Variants in NAV1 observed in about 807,000 individuals in gnomAD.
The protein encoded by NAV1 is pore membrane and/or filament interacting like protein 3.
In NAV1, 18 loss-of-function variants were observed where a neutral mutation model predicts 175.2. The ratio of observed to expected loss-of-function variants is 0.10; its 90% CI spans 0.07 to 0.15. NAV1 has a LOEUF of 0.15. Ranked by LOEUF, NAV1 falls within the 10% of genes least tolerant of loss-of-function variation. NAV1 has a pLI of 1.00. For missense variants in NAV1, 1,731 were observed against 2,436.6 expected (o/e 0.71, Z 6.10); for synonymous variants, 897 against 978.7 (o/e 0.92, Z 1.56).
At position 201,566,894 on chromosome 1, in the gene NAV1, T is replaced by C. The variant is rs530461977; in HGVS notation, c.-143-21645T>C. On this transcript the variant is annotated intron_variant, in intron 1 of 33. Coordinates refer to the NAV1 transcript ENST00000685211. ...TTTGCTTAATATTATCTCAGATGTT[T>C]TTCTGTATCGATCAAATCTCTGTAC... Among the ~76,000 whole-genome samples, 22 of 152,310 alleles carry C rather than the reference T, an allele frequency of 1.4e-4. No homozygotes were observed. In the East Asian group the frequency reaches 3.5e-3, roughly 24 times the overall value.
Position 201,813,394 on chromosome 1 carries a change from G to A in NAV1, c.5340+136G>A, listed in dbSNP as rs528886699. On this transcript the variant is annotated intron_variant, in intron 28 of 29. Transcript: ENST00000367296. The surrounding 1 kb of genome is among the most constrained non-coding windows in gnomAD (Gnocchi z 4.2). ...TTTCTAACAGGTGGAGCAAGGCACT[G>A]GGTAGACTAAGCTGCTTTCCTGCCT... 5.6e-5 allele frequency: 35 copies of A among 622,668 alleles called. No homozygotes were observed. Among genetic ancestry groups the A allele is most frequent in the Non-Finnish European group, 8.9e-5 (32 of 358,332 alleles). 38.6% of individuals were successfully genotyped at this position (622,668 alleles called of 1,614,324 possible).
At chr1:201,776,921 G>A (rs1257907230) in intron 3 of NAV1, among the ~76,000 whole-genome samples, 2 of 151,960 alleles carry the variant, frequency 1.3e-5, no homozygotes, top group African/African-American at 2.4e-5. Context: ...TGCACAAGAA[G>A]ATGCTAAAAG....
chr1:201,629,276 C>G (rs1019033416), intron 1 of NAV1, 128 bp from the exon 4 acceptor site: 1 of 487,638 alleles, frequency 2.1e-6, no homozygotes, highest in Non-Finnish European at 3.3e-6. Flanking sequence ...GAGGGGCTGG[C>G]CCTGAGTGGT....
At chr1:201,573,728 T>C (rs1337428809) in intron 1 of NAV1, among the ~76,000 whole-genome samples, 2 of 152,172 alleles carry the variant, frequency 1.3e-5, no homozygotes, top group African/African-American at 2.4e-5. Context: ...ACAAATATTA[T>C]CTATTACTAA....
At chr1:201,610,115 G>A (rs1667803410) in intron 2 of NAV1, among the ~76,000 whole-genome samples, 1 of 152,196 alleles carries the variant, frequency 6.6e-6, no homozygotes, top group South Asian at 2.1e-4. Flanking sequence ...CTGTGTGCCG[G>A]CTGCACCTGC....
At chr1:201,607,870 T>TGTGTG (rs1667730925) in intron 2 of NAV1, among the ~76,000 whole-genome samples, 1 of 138,192 alleles carries the variant, frequency 7.2e-6, no homozygotes, top group East Asian at 2.1e-4. Flanking sequence ...GATAACTTTA[T>TGTGTG]TGTGTGTGTG....
chr1:201,650,510 C>A (rs531450496), intron 1 of NAV1, among the ~76,000 whole-genome samples: 192 of 152,286 alleles, frequency 1.3e-3, no homozygotes, highest in Non-Finnish European at 2.1e-3. Flanking sequence ...TCCTGGGTAC[C>A]CGGCAGGCTG....
exon 22 of NAV1, chr1:201,809,525 C>T (rs41270957): frequency 0.015 from 23,870 of 1,613,888 alleles, 249 homozygotes; most frequent in Non-Finnish European, 0.018. Flanking sequence ...AAGCTGTTTT[C>T]CAAGTGTTCA....
At chr1:201,651,886 T>C (rs1400390437) in intron 1 of NAV1, among the ~76,000 whole-genome samples, 3 of 151,528 alleles carry the variant, frequency 2.0e-5, no homozygotes, top group Admixed American at 2.0e-4. Flanking sequence ...GTTCAGGCTG[T>C]AGCAAGGCAG....
chr1:201,811,561 GC>G, intron 24 of NAV1, 41 bp from the exon 29 acceptor site: 2 of 1,613,044 alleles, frequency 1.2e-6, no homozygotes, highest in Non-Finnish European at 1.7e-6. Context: ...CGATCCAGCT[GC>G]TTATTCCCAA....
At position 201,740,707 on chromosome 1, in the gene NAV1, C is replaced by T. The variant is rs1171760560; in HGVS notation, c.1226+21952C>T. 6.6e-6 allele frequency among the ~76,000 whole-genome samples: 1 copy of T among 152,016 alleles called. No homozygotes were observed. The highest frequency in any genetic ancestry group is 2.4e-5 in the African/African-American group (1 of 41,352). On this transcript the variant is annotated intron_variant, in intron 3 of 29. Transcript: ENST00000367296. This position sits in a 1 kb window ranked among gnomAD's most constrained non-coding sequence, Gnocchi z 4.7. ...TCTACCCTGGGAAGGGGTGAAAAATCGGAGAGCCGGGTAATTTGGGGAGAC... is the reference window on the plus strand; with the variant it reads ...TCTACCCTGGGAAGGGGTGAAAAATTGGAGAGCCGGGTAATTTGGGGAGAC...
chr1:201,697,352 A>T (rs988578503), intron 1 of NAV1, among the ~76,000 whole-genome samples: 18 of 152,136 alleles, frequency 1.2e-4, no homozygotes, highest in Non-Finnish European at 1.2e-4. Flanking sequence ...CAGCTTTTTG[A>T]TGGAGGAGCA....
At chr1:201,548,082 G>C (rs1265071835) in intron 1 of NAV1, among the ~76,000 whole-genome samples, 2 of 152,230 alleles carry the variant, frequency 1.3e-5, no homozygotes, top group African/African-American at 4.8e-5. Flanking sequence ...GTGAGCCACT[G>C]TGCCCAGCCC....
At chr1:201,752,429 G>A (rs1674177455) in intron 3 of NAV1, among the ~76,000 whole-genome samples, 1 of 152,164 alleles carries the variant, frequency 6.6e-6, no homozygotes, top group African/African-American at 2.4e-5. Context: ...TATTCAGAAT[G>A]TATGAATTAA....
intron 1 of NAV1, among the ~76,000 whole-genome samples, chr1:201,661,338 C>T (rs1052605033): frequency 6.6e-6 from 1 of 152,182 alleles, no homozygotes; most frequent in Non-Finnish European, 1.5e-5. Context: ...AAGCCTCTCA[C>T]TGTCTAGTGT....
chr1:201,744,188 A>G (rs1352606423), intron 3 of NAV1, among the ~76,000 whole-genome samples: 1 of 152,182 alleles, frequency 6.6e-6, no homozygotes, highest in Non-Finnish European at 1.5e-5. Context: ...CGGTCAAAAC[A>G]TGATTTTTTT....
At chr1:201,647,857 C>T (rs1374248808), upstream of NAV1, among the ~76,000 whole-genome samples, 1 of 152,178 alleles carries the variant, frequency 6.6e-6, no homozygotes, top group Non-Finnish European at 1.5e-5. Context: ...AGCCGCCCTC[C>T]CTCCGTCTCT....
At chr1:201,570,112 C>T (rs1666487968) in intron 1 of NAV1, among the ~76,000 whole-genome samples, 1 of 152,168 alleles carries the variant, frequency 6.6e-6, no homozygotes, top group East Asian at 1.9e-4. Flanking sequence ...CTCTTGTGTG[C>T]CCTGATTAGG....
At chr1:201,565,352 G>T (rs576727388) in intron 1 of NAV1, among the ~76,000 whole-genome samples, 25 of 152,310 alleles carry the variant, frequency 1.6e-4, no homozygotes, top group Non-Finnish European at 2.6e-4. Context: ...GTTTCTTCTG[G>T]GCTCATTGTC....
Sources: gnomAD v4.1 joint callset for allele counts (sites outside exome capture counted in the v4.1 genomes callset) on GRCh38, gnomAD v4.1.1 for gene constraint, Gnocchi (gnomAD v3.1) non-coding constraint, MANE v1.5 for transcripts, NCBI Gene and HGNC (gene_info 2026-07-23, HGNC 2026-07-21) for gene names.